Variants in VAC14 observed in about 807,000 individuals in gnomAD.
VAC14 encodes the protein protein VAC14 homolog.
VAC14 carries 47 observed loss-of-function variants against 85.3 expected under a neutral mutation model. The observed-to-expected ratio is 0.55, with a 90% confidence interval of 0.44 to 0.70. VAC14 has a LOEUF of 0.70. Among genes scored for constraint, VAC14 ranks in the 30% least tolerant of loss-of-function variants. The pLI is 0.00. For synonymous variants in VAC14, 447 were observed against 430.5 expected, an observed-to-expected ratio of 1.04 and a Z score of -0.47; for missense variants, 861 against 1,004.3, an observed-to-expected ratio of 0.86 and a Z score of 1.93.
intron 10 of VAC14, among the ~76,000 whole-genome samples, chr16:70,763,499 T>C (rs2032573277): frequency 6.6e-6 from 1 of 152,204 alleles, no homozygotes; most frequent in Non-Finnish European, 1.5e-5. Flanking sequence ...AAGGTCCCGA[T>C]AACAACTGTT....
intron 12 of VAC14, among the ~76,000 whole-genome samples, chr16:70,759,452 G>A (rs2032137249): frequency 6.6e-6 from 1 of 152,012 alleles, no homozygotes; most frequent in South Asian, 2.1e-4. Flanking sequence ...CGTGGTGAAA[G>A]CCCGTCTCTA....
chr16:70,781,858 G>T lies in VAC14; in HGVS notation c.946+11C>A, dbSNP rs1382501754. On this transcript the variant is annotated intron_variant, in intron 8 of 18. Coordinates refer to ENST00000261776, the MANE Select transcript of VAC14 (RefSeq NM_018052.5). ...CTTCTCTCAATTATTCTCTCCCAAA[G>T]CAAAGGATACTTTTCTTGCGGTCAT... 1 of 1,613,662 alleles carries T rather than the reference G, an allele frequency of 6.2e-7. No homozygotes were observed.
chr16:70,726,553 G>A (rs146702412), intron 14 of VAC14, among the ~76,000 whole-genome samples: 4 of 152,308 alleles, frequency 2.6e-5, no homozygotes, highest in South Asian at 2.1e-4. Context: ...CACTATCATC[G>A]CTGCGTCACA....
chr16:70,791,986 C>T (rs1328081387), intron 1 of VAC14, among the ~76,000 whole-genome samples: 1 of 152,172 alleles, frequency 6.6e-6, no homozygotes. Context: ...GCAAAGGGCA[C>T]CATTACTAGG....
chr16:70,748,973 C>CA (rs1024123216), intron 12 of VAC14, among the ~76,000 whole-genome samples: 56 of 152,124 alleles, frequency 3.7e-4, no homozygotes, highest in African/African-American at 1.4e-3. Context: ...AACCATAAAC[C>CA]AAAAAAGAGC....
intron 13 of VAC14, among the ~76,000 whole-genome samples, chr16:70,740,143 T>C (rs2030126367): frequency 6.6e-6 from 1 of 152,162 alleles, no homozygotes; most frequent in African/African-American, 2.4e-5. Context: ...GTATTTTCAG[T>C]AGAGACAGGG....
chr16:70,750,056 A>G lies in VAC14; in HGVS notation c.1372-5477T>C, dbSNP rs976117425. Among the ~76,000 whole-genome samples, 7 of 152,324 alleles carry G rather than the reference A, an allele frequency of 4.6e-5. 1 individual carries two copies. Among genetic ancestry groups the G allele is most frequent in the Admixed American group, 4.6e-4 (7 of 15,304 alleles). On this transcript the variant is annotated intron_variant, in intron 12 of 18. Transcript: ENST00000261776. The stretch of plus-strand genomic sequence containing the variant: ...CTGGAGACCCTGCAACCCTTGGTGT[A>G]TAGGTAGAAACCTCTGGAGGAGAAG...
chr16:70,797,160 T>C (rs1354190700), intron 1 of VAC14, among the ~76,000 whole-genome samples: 3 of 152,348 alleles, frequency 2.0e-5, no homozygotes, highest in East Asian at 1.9e-4. Context: ...GGCTATGTTA[T>C]TTTGTGATGC....
At chr16:70,748,937 A>AAAAAC (rs2031149285) in intron 12 of VAC14, among the ~76,000 whole-genome samples, 1 of 152,222 alleles carries the variant, frequency 6.6e-6, no homozygotes, top group Non-Finnish European at 1.5e-5. Flanking sequence ...ACTCTGTCTC[A>AAAAAC]AAAACAAAAC....
chr16:70,734,548 T>C (rs567789326), intron 13 of VAC14, among the ~76,000 whole-genome samples: 4 of 152,370 alleles, frequency 2.6e-5, no homozygotes, highest in Non-Finnish European at 1.5e-5. Flanking sequence ...TGAAATTACC[T>C]AATCTAAGGT....
intron 14 of VAC14, among the ~76,000 whole-genome samples, chr16:70,728,617 G>C (rs2054498803): frequency 6.6e-6 from 1 of 152,212 alleles, no homozygotes; most frequent in South Asian, 2.1e-4. Flanking sequence ...ATGCAAGCAT[G>C]CCCATGGGGC....
rs778586518 is a variant in VAC14 at position 70,784,763 on chromosome 16, A to G, written c.486+13T>C. 2.5e-6 allele frequency: 4 copies of G among 1,613,446 alleles called. No individual in the cohort carries two copies. The highest frequency in any genetic ancestry group is 3.4e-6 in the Non-Finnish European group (4 of 1,179,382). ...AGATTGTAGAAATAAAAGTGGGGAC[A>G]AAGTACAAATACCTTTAAAAGGCGG... On this transcript the variant is annotated intron_variant, in intron 4 of 18. Transcript: ENST00000261776.
intron 8 of VAC14, among the ~76,000 whole-genome samples, chr16:70,781,462 T>C (rs2033805701): frequency 6.6e-6 from 1 of 152,206 alleles, no homozygotes; most frequent in African/African-American, 2.4e-5. Context: ...AGGGCTACGT[T>C]AGGCAGACAG....
At chr16:70,782,956 G>T in intron 7 of VAC14, 77 bp downstream of exon 7, 1 of 1,336,192 alleles carries the variant, frequency 7.5e-7, no homozygotes, top group Non-Finnish European at 1.1e-6. Context: ...AGCTGAGATG[G>T]TGAAAGGGGC....
intron 14 of VAC14, among the ~76,000 whole-genome samples, chr16:70,708,321 G>A (rs1051050243): frequency 3.3e-5 from 5 of 152,216 alleles, no homozygotes; most frequent in African/African-American, 1.2e-4. Context: ...GCCCCTACAG[G>A]CAATGGGGGA....
intron 13 of VAC14, among the ~76,000 whole-genome samples, chr16:70,733,072 T>C (rs1348928623): frequency 6.6e-6 from 1 of 152,248 alleles, no homozygotes; most frequent in Non-Finnish European, 1.5e-5. Flanking sequence ...TGTGCAGCCA[T>C]CACCACTAAT....
At chr16:70,710,934 G>A (rs1342288670) in intron 14 of VAC14, among the ~76,000 whole-genome samples, 2 of 152,238 alleles carry the variant, frequency 1.3e-5, no homozygotes, top group African/African-American at 2.4e-5. Context: ...GACCTCCTGC[G>A]CTCTGAAGGA....
intron 1 of VAC14, among the ~76,000 whole-genome samples, chr16:70,798,598 G>T (rs1294154612): frequency 6.6e-6 from 1 of 152,242 alleles, no homozygotes; most frequent in East Asian, 1.9e-4. Flanking sequence ...TTCATTCTAA[G>T]CATGACTGGA....
chr16:70,760,318 A>G (rs2032224140), intron 12 of VAC14, among the ~76,000 whole-genome samples: 1 of 152,196 alleles, frequency 6.6e-6, no homozygotes, highest in Admixed American at 6.5e-5. Flanking sequence ...TATCCTAGAA[A>G]GGAAGTTTCA....
Sources: allele counts gnomAD v4.1 joint callset (sites outside exome capture counted in the v4.1 genomes callset), GRCh38; gene constraint gnomAD v4.1.1; transcripts MANE v1.5; gene names NCBI Gene and HGNC (gene_info 2026-07-23, HGNC 2026-07-21).